Variants in CWF19L1 observed in about 807,000 individuals in gnomAD.
The protein encoded by CWF19L1 is CWF19-like protein 1.
In CWF19L1, 60 loss-of-function variants were observed where a neutral mutation model predicts 69.7. The observed-to-expected ratio is 0.86, with a 90% CI of 0.70 to 1.07. CWF19L1 has a LOEUF of 1.07. CWF19L1 is among the 50% of genes least tolerant of loss of function. The pLI, the probability that CWF19L1 is intolerant of heterozygous loss-of-function variation, is 0.00. For synonymous variants in CWF19L1, 209 were observed against 222.2 expected, an observed-to-expected ratio of 0.94 and a Z score of 0.53; for missense variants, 591 against 638.9, an observed-to-expected ratio of 0.92 and a Z score of 0.81.
Position 100,256,584 on chromosome 10 carries a change from T to A in CWF19L1, c.290-108A>T, listed in dbSNP as rs143291388. 604 of 816,920 alleles carry A rather than the reference T, an allele frequency of 7.4e-4. 1 individual carries two copies. The highest frequency in any genetic ancestry group is 1.3e-3 in the Admixed American group (62 of 47,306). The allele number at this position is 816,920 out of a possible 1,614,324, so 50.6% of individuals were successfully genotyped here. On this transcript the variant is annotated intron_variant, in intron 4 of 13. Coordinates refer to ENST00000354105, the MANE Select transcript of CWF19L1 (RefSeq NM_018294.6). ...TCTCCTATGTCCCTGCCATTTTACA[T>A]GTCTGAAGTGTAAACTCTCCAGCAG...
At chr10:100,266,070 AG>A (rs1414911922) in intron 1 of CWF19L1, among the ~76,000 whole-genome samples, 1 of 152,058 alleles carries the variant, frequency 6.6e-6, no homozygotes, top group Non-Finnish European at 1.5e-5. Flanking sequence ...TTATTTCCCA[AG>A]GCTCAATCCT....
chr10:100,244,582 C>A (rs1846748259), intron 9 of CWF19L1, among the ~76,000 whole-genome samples: 1 of 152,174 alleles, frequency 6.6e-6, no homozygotes, highest in Non-Finnish European at 1.5e-5. Flanking sequence ...GTCTCGATCT[C>A]CTGACCTCAT....
Position 100,267,560 on chromosome 10 carries a change from C to T in CWF19L1, c.23+11G>A, listed in dbSNP as rs766242887. Reference sequence around the variant, plus strand: ...ACACAGGGAGAGAGGCTTCCATTCACGGTCACTCACAGGCGCAGCGGTTTC... The same window carrying T: ...ACACAGGGAGAGAGGCTTCCATTCATGGTCACTCACAGGCGCAGCGGTTTC... On this transcript the variant is annotated intron_variant, in intron 1 of 13. Transcript: ENST00000354105. The T allele has an allele frequency of 1.2e-6, 2 of 1,614,084 alleles. No individual in the cohort carries two copies. Among genetic ancestry groups the T allele is most frequent in the African/African-American group, 1.3e-5 (1 of 74,922 alleles).
intron 8 of CWF19L1, 191 bp from the exon 9 acceptor site, chr10:100,246,104 T>G (rs1039371785): frequency 2.6e-5 from 13 of 500,434 alleles, no homozygotes; most frequent in Admixed American, 6.6e-5. Flanking sequence ...ACATCAACAC[T>G]TATCCAAACT....
chr10:100,233,249 T>C lies in CWF19L1; in HGVS notation c.1595A>G (p.Tyr532Cys), dbSNP rs568191434. The C allele has an allele frequency of 1.3e-5, 21 of 1,613,346 alleles. No individual in the cohort carries two copies. Among genetic ancestry groups the C allele is most frequent in the Admixed American group, 8.3e-5 (5 of 59,950 alleles). The stretch of plus-strand genomic sequence containing the variant: ...GTTTTAGTCATCCAGAGTAAAGTCA[T>C]AGGGCTCAAAGTCTTTCCGGAAGCG... ...ARRFRKDFEP[Y>C]DFTLDD The change falls in exon 14 of 14, where the codon TAT becomes TGT. Residue 532 changes from tyrosine to cysteine, a missense_variant. Transcript: ENST00000354105.
chr10:100,241,840 T>A (rs1368636985), intron 10 of CWF19L1, among the ~76,000 whole-genome samples: 1 of 152,226 alleles, frequency 6.6e-6, no homozygotes, highest in African/African-American at 2.4e-5. Context: ...AGAGTCCTTA[T>A]GACCAAATCA....
chr10:100,248,421 A>T, intron 7 of CWF19L1: 1 of 713,110 alleles, frequency 1.4e-6, no homozygotes, highest in African/African-American at 1.7e-5. Context: ...ACGGGAAGGG[A>T]CTCACTTTCT....
intron 9 of CWF19L1, 150 bp from the exon 10 acceptor site, chr10:100,243,927 G>A (rs757264292): frequency 1.3e-5 from 8 of 639,858 alleles, no homozygotes; most frequent in South Asian, 1.1e-4. Context: ...TCCTCACTAC[G>A]ACCCCCTATG....
At chr10:100,243,822 C>G (rs35616070) in intron 9 of CWF19L1, 45 bp from the exon 10 acceptor site, 80,051 of 1,468,726 alleles carry the variant, frequency 0.055, 2,662 homozygotes, top group African/African-American at 0.14. Flanking sequence ...CCAAGCACTA[C>G]AGCATATAAT....
At chr10:100,260,381 T>C (rs2134320753) in intron 3 of CWF19L1, 62 bp from the exon 4 acceptor site, 1 of 854,112 alleles carries the variant, frequency 1.2e-6, no homozygotes, top group South Asian at 1.5e-5. Flanking sequence ...ACTTAAGATA[T>C]GCCTCTCTAT....
At position 100,260,823 on chromosome 10, in the gene CWF19L1, GTCTTAATAATGAAAAGCAACTTAAAT is replaced by G. The variant is rs1847376289; in HGVS notation, c.187+117_187+142del. 11 of 620,854 alleles carry G rather than the reference GTCTTAATAATGAAAAGCAACTTAAAT, an allele frequency of 1.8e-5. No individual in the cohort carries two copies. The South Asian group carries it at 2.4e-4, about 14-fold the overall frequency. The allele number at this position is 620,854 out of a possible 1,614,324, so 38.5% of individuals were successfully genotyped here. A position where few individuals can be genotyped will look rare whatever the true frequency, so the allele number is the denominator to read the frequency against. ...CAGGTGTGAGCCACTGCGCCGGATA[GTCTTAATAATGAAAAGCAACTTAAAT>G]TCTTAAATACTGAAAATAACTCTTA... On this transcript the variant is annotated intron_variant, in intron 3 of 13. Transcript: ENST00000354105.
intron 7 of CWF19L1, among the ~76,000 whole-genome samples, chr10:100,247,627 G>A (rs552602323): frequency 6.6e-6 from 1 of 152,316 alleles, no homozygotes; most frequent in South Asian, 2.1e-4. Context: ...GGGGGTGGCG[G>A]CTCATGCCTG....
chr10:100,237,801 C>T, intron 11 of CWF19L1, among the ~76,000 whole-genome samples: 1 of 152,146 alleles, frequency 6.6e-6, no homozygotes, highest in East Asian at 1.9e-4. Context: ...CATGCACCAC[C>T]ACGCCCAGCT....
intron 4 of CWF19L1, chr10:100,258,610 T>A (rs1847289428): frequency 6.6e-6 from 1 of 152,140 alleles, no homozygotes; most frequent in Non-Finnish European, 1.5e-5. Context: ...ACTGGAAAGA[T>A]AAAGAGAATA....
chr10:100,235,686 A>G lies in CWF19L1; in HGVS notation c.1453T>C (p.Phe485Leu). ...ACATACCTTCCAAACTGCAAAGGAA[A>G]ATTCTTTTTAATTCTGTGGAAAAGC... is the stretch of plus-strand genomic sequence containing the variant. Reference protein sequence around the residue: ...EKLFHRIKKNFPLQFGREVLA... With the variant: ...EKLFHRIKKNLPLQFGREVLA... The change falls in exon 13 of 14, where the codon TTT (phenylalanine) becomes CTT (leucine). Residue 485 changes from phenylalanine to leucine, a missense_variant. Physicochemically the swap from Phe to Leu is conservative, Grantham distance 22 (BLOSUM62 0). Transcript: ENST00000354105. 1.9e-6 allele frequency: 3 copies of G among 1,611,682 alleles called. No homozygotes were observed. In the East Asian group the frequency reaches 6.7e-5, roughly 36 times the overall value.
At chr10:100,248,442 G>C in intron 7 of CWF19L1, 2 of 692,914 alleles carry the variant, frequency 2.9e-6, no homozygotes, top group Non-Finnish European at 5.3e-6. Flanking sequence ...CATTCCATGG[G>C]TACACAAACC....
chr10:100,267,545 A>C (rs1392822577), intron 1 of CWF19L1, 26 bp downstream of exon 1: 1 of 1,614,148 alleles, frequency 6.2e-7, no homozygotes, highest in Non-Finnish European at 8.5e-7. Flanking sequence ...ACACAGGGAG[A>C]GAGGCTTCCA....
chr10:100,252,746 G>GTTCTCC (rs1847083095), intron 6 of CWF19L1, among the ~76,000 whole-genome samples: 6 of 149,608 alleles, frequency 4.0e-5, no homozygotes, highest in South Asian at 2.1e-4. Flanking sequence ...TGAGGCAGGA[G>GTTCTCC]AATCACTTGA....
chr10:100,240,323 G>A (rs945521927), intron 10 of CWF19L1, among the ~76,000 whole-genome samples: 6 of 152,088 alleles, frequency 3.9e-5, no homozygotes, highest in Non-Finnish European at 5.9e-5. Context: ...AGGAAGGCAC[G>A]ACAAAGAGAA....
Sources: gnomAD v4.1 joint callset for allele counts (sites outside exome capture counted in the v4.1 genomes callset) on GRCh38, gnomAD v4.1.1 for gene constraint, MANE v1.5 for transcripts, NCBI Gene and HGNC (gene_info 2026-07-23, HGNC 2026-07-21) for gene names.